The following NPAT variants were observed in gnomAD, a reference collection of about 807,000 sequenced individuals.
The protein encoded by NPAT is protein NPAT.
In NPAT, 52 loss-of-function variants were observed where a neutral mutation model predicts 130.7. The observed-to-expected ratio is 0.40, with a 90% confidence interval of 0.32 to 0.50. The LOEUF is 0.50. Ranked by LOEUF, NPAT falls within the 20% of genes least tolerant of loss-of-function variation. The pLI is 0.68. For missense variants in NPAT, 1,687 were observed against 1,662.6 expected, an observed-to-expected ratio of 1.01 and a Z score of -0.26; for synonymous variants, 580 against 584.8, an observed-to-expected ratio of 0.99 and a Z score of 0.12.
Position 108,172,231 on chromosome 11 carries a change from A to C in NPAT, c.2753T>G (p.Val918Gly), listed in dbSNP as rs1328610883. ...AAAGTTTGGTGACACAGCTTGGTTG[A>C]CAGCAAATACACTGTTTGACCTTGG... Reference protein sequence around the residue: ...TPPRSNSVFAVNQAVSPNFSQ... With the variant: ...TPPRSNSVFAGNQAVSPNFSQ... The change falls in exon 13 of 18, where the codon GTC (valine) becomes GGC (glycine). Residue 918 changes from valine (V) to glycine (G), a missense_variant. This residue lies in a region of NPAT where 1,379 missense variants were observed against 1,346.6 expected (regional missense o/e 1.02). Coordinates refer to ENST00000278612, the MANE Select transcript of NPAT (RefSeq NM_002519.3). 6.2e-7 allele frequency: 1 copy of C among 1,613,952 alleles called. No individual in the cohort carries two copies. The highest frequency in any genetic ancestry group is 8.5e-7 in the Non-Finnish European group (1 of 1,179,932).
Position 108,161,420 on chromosome 11 carries a change from T to TG in NPAT, c.3665dup (p.Val1223SerfsTer14). On this transcript the variant is annotated frameshift_variant, in exon 17 of 18. Coordinates refer to ENST00000278612, the MANE Select transcript of NPAT (RefSeq NM_002519.3). LOFTEE classifies it high-confidence loss of function. ...TTAGATCCTTCACAGCTGTACCTAC[T>TG]GAAAGTACATTTTTATTGTTTGAAG... is the stretch of plus-strand genomic sequence containing the variant. The TG allele has an allele frequency of 6.2e-7, 1 of 1,614,232 alleles. No individual in the cohort carries two copies. Among genetic ancestry groups the TG allele is most frequent in the Non-Finnish European group, 8.5e-7 (1 of 1,180,024 alleles).
At position 108,197,319 on chromosome 11, in the gene NPAT, T is replaced by G; in HGVS notation, c.139A>C (p.Ile47Leu). 1 of 1,603,692 alleles carries G rather than the reference T, an allele frequency of 6.2e-7. No individual in the cohort carries two copies. Among genetic ancestry groups the G allele is most frequent in the Non-Finnish European group, 8.5e-7 (1 of 1,170,530 alleles). The change falls in exon 2 of 18, where the codon ATT becomes CTT. Residue 47 changes from isoleucine (I) to leucine (L), a missense_variant. Physicochemically the swap from Ile to Leu is conservative, Grantham distance 5. Around this residue, in one of 3 missense-constraint regions of NPAT, gnomAD observed 307 missense variants for 298.9 expected, o/e 1.03. Coordinates refer to ENST00000278612, the MANE Select transcript of NPAT (RefSeq NM_002519.3). The part of the protein sequence containing the change: ...YAEHCTDEGF[I>L]PACLLSLFGK... ...TAACTCACCAGTAAGCAGGCTGGAA[T>G]AAACCCTTCATCTGTACAATGTTCT...
chr11:108,181,984 T>C (rs186225609), intron 10 of NPAT, among the ~76,000 whole-genome samples: 11 of 152,310 alleles, frequency 7.2e-5, no homozygotes, highest in Admixed American at 5.9e-4. Flanking sequence ...GGGCCTGTGC[T>C]GCCACCTGTG....
chr11:108,171,885 C>T (rs1385063648), intron 13 of NPAT: 2 of 267,242 alleles, frequency 7.5e-6, no homozygotes, highest in Non-Finnish European at 1.4e-5. Context: ...TCCCCCACAA[C>T]ATTGGGTTTT....
intron 1 of NPAT, among the ~76,000 whole-genome samples, chr11:108,209,644 C>G (rs1438632242): frequency 1.9e-4 from 29 of 152,184 alleles, no homozygotes; most frequent in Non-Finnish European, 1.5e-5. Context: ...AATCCCAGCA[C>G]TTTGGGAGGC....
At chr11:108,214,908 C>T (rs1407804283) in intron 1 of NPAT, among the ~76,000 whole-genome samples, 2 of 152,188 alleles carry the variant, frequency 1.3e-5, no homozygotes, top group Non-Finnish European at 2.9e-5. Flanking sequence ...GCTGGGATTA[C>T]ACGCGTGAGC....
chr11:108,157,667 C>T lies in NPAT; in HGVS notation c.*1275G>A, dbSNP rs1290606854. The T allele has an allele frequency of 6.6e-6, 1 of 152,058 alleles. No individual in the cohort carries two copies. Among genetic ancestry groups the T allele is most frequent in the Non-Finnish European group, 1.5e-5 (1 of 67,932 alleles). The allele number at this position is 152,058 out of a possible 1,614,324, so 9.4% of individuals were successfully genotyped here. A position where few individuals can be genotyped will look rare whatever the true frequency, so the allele number is the denominator to read the frequency against. ...GAAAGTGACTCTTCAACAAAATATA[C>T]ACCTGTAGAAAAAAATCCCTAATAT... On this transcript the variant is annotated 3_prime_UTR_variant, in exon 18 of 18. Coordinates refer to ENST00000278612, the MANE Select transcript of NPAT (RefSeq NM_002519.3).
At chr11:108,174,998 A>G (rs2077990989) in intron 12 of NPAT, among the ~76,000 whole-genome samples, 1 of 152,234 alleles carries the variant, frequency 6.6e-6, no homozygotes, top group South Asian at 2.1e-4. Flanking sequence ...AGTATGAAAA[A>G]TATTTTTTAA....
chr11:108,199,777 G>A (rs1476710150), intron 1 of NPAT, among the ~76,000 whole-genome samples: 1 of 152,180 alleles, frequency 6.6e-6, no homozygotes, highest in African/African-American at 2.4e-5. Context: ...GGCAACTGAA[G>A]GCATCTGGCT....
chr11:108,192,808 G>A (rs1436240945), intron 3 of NPAT, among the ~76,000 whole-genome samples: 1 of 152,142 alleles, frequency 6.6e-6, no homozygotes, highest in Non-Finnish European at 1.5e-5. Flanking sequence ...ACAAATATTA[G>A]CTGGGCATGG....
rs1565303149 is a variant in NPAT, at chr11:108,157,822, T to C, written c.*1120A>G. ...AACCAATTCTTCAACTGGACTGATG[T>C]GTGTGAGTCTAATACAGAGAAGGCA... is the stretch of plus-strand genomic sequence containing the variant. On this transcript the variant is annotated 3_prime_UTR_variant, in exon 18 of 18. Coordinates refer to ENST00000278612, the MANE Select transcript of NPAT (RefSeq NM_002519.3). 1 of 152,658 alleles carries C rather than the reference T, an allele frequency of 6.6e-6. No individual in the cohort carries two copies. Among genetic ancestry groups the C allele is most frequent in the East Asian group, 1.9e-4 (1 of 5,184 alleles). 9.5% of individuals were successfully genotyped at this position (152,658 alleles called of 1,614,324 possible).
Position 108,172,733 on chromosome 11 carries a change from A to T in NPAT, c.2251T>A (p.Ser751Thr). ...GCACTGGTAAGTTCAGTATCTGAGGAAACAAATGGATCATCACTAATGATA... is the reference window on the plus strand; with the variant it reads ...GCACTGGTAAGTTCAGTATCTGAGGTAACAAATGGATCATCACTAATGATA... Reference protein sequence around the residue: ...KVIISDDPFVSSDTELTSAVS... With the variant: ...KVIISDDPFVTSDTELTSAVS... The change falls in exon 13 of 18, where the codon TCC becomes ACC. Residue 751 changes from serine to threonine, a missense_variant. Physicochemically the swap from Ser to Thr is moderately conservative, Grantham distance 58 (BLOSUM62 1). Around this residue, in one of 3 missense-constraint regions of NPAT, gnomAD observed 1,379 missense variants for 1,346.6 expected, o/e 1.02. Coordinates refer to ENST00000278612, the MANE Select transcript of NPAT (RefSeq NM_002519.3). The T allele has an allele frequency of 6.2e-7, 1 of 1,613,576 alleles. No homozygotes were observed.
chr11:108,191,814 G>A (rs1389740003), intron 4 of NPAT, among the ~76,000 whole-genome samples: 1 of 152,144 alleles, frequency 6.6e-6, no homozygotes, highest in Non-Finnish European at 1.5e-5. Flanking sequence ...TTGCCTAAGG[G>A]AATTCACAGT....
Position 108,217,487 on chromosome 11 carries a change from A to G in NPAT, c.37+5013T>C, listed in dbSNP as rs2134905993. Reference sequence around the variant, plus strand: ...CCTATGGTAAAATTAGTTTGATTATATATCATTTTGCTTAAAGTTGCAGTT... The same window carrying G: ...CCTATGGTAAAATTAGTTTGATTATGTATCATTTTGCTTAAAGTTGCAGTT... On this transcript the variant is annotated intron_variant, in intron 1 of 17. Coordinates refer to ENST00000278612, the MANE Select transcript of NPAT (RefSeq NM_002519.3). Among the ~76,000 whole-genome samples the G allele has an allele frequency of 2.6e-5, 4 of 152,276 alleles. No homozygotes were observed. In the South Asian group the frequency reaches 8.3e-4, roughly 32 times the overall value.
At chr11:108,190,533 A>G (rs1197769996) in intron 4 of NPAT, 33 bp from the exon 5 acceptor site, 2 of 1,603,586 alleles carry the variant, frequency 1.2e-6, no homozygotes, top group Non-Finnish European at 1.7e-6. Context: ...TATCCATCAA[A>G]AAATGTTTGT....
chr11:108,206,379 G>T (rs1215350430), intron 1 of NPAT, among the ~76,000 whole-genome samples: 1 of 152,194 alleles, frequency 6.6e-6, no homozygotes, highest in Non-Finnish European at 1.5e-5. Flanking sequence ...TGCTGGTGGT[G>T]AGCCAGGCAT....
chr11:108,170,511 A>G (rs1177213259), intron 13 of NPAT, among the ~76,000 whole-genome samples: 1 of 151,840 alleles, frequency 6.6e-6, no homozygotes, highest in Admixed American at 6.5e-5. Flanking sequence ...TCTCAATGGT[A>G]TTGATCAAAA....
intron 1 of NPAT, among the ~76,000 whole-genome samples, chr11:108,212,898 A>G (rs1402530240): frequency 7.5e-6 from 1 of 133,962 alleles, no homozygotes. Flanking sequence ...ATGAGCCGAG[A>G]TGGTGCCATT....
At position 108,173,640 on chromosome 11, in the gene NPAT, A is replaced by G. The variant is rs1325273563; in HGVS notation, c.1344T>C (p.Pro448=). The change falls in exon 13 of 18, where the codon CCT becomes CCC. Residue 448 remains proline (P), a synonymous_variant. Transcript: ENST00000278612. The part of the protein sequence containing the change: ...CDIDITFESV[P]NLNDFNQRGN... Reference sequence around the variant, plus strand: ...CTCTTTGGTTAAAGTCATTCAAATTAGGCACGGACTCAAAGGTAATGTCAA... The same window carrying G: ...CTCTTTGGTTAAAGTCATTCAAATTGGGCACGGACTCAAAGGTAATGTCAA... 3.7e-6 allele frequency: 6 copies of G among 1,614,206 alleles called. No individual in the cohort carries two copies. Among genetic ancestry groups the G allele is most frequent in the Non-Finnish European group, 5.1e-6 (6 of 1,180,032 alleles).
Sources: allele counts gnomAD v4.1 joint callset (sites outside exome capture counted in the v4.1 genomes callset), GRCh38; gene constraint gnomAD v4.1.1; regional missense constraint gnomAD v4.1.1; transcripts MANE v1.5; gene names NCBI Gene and HGNC (gene_info 2026-07-23, HGNC 2026-07-21).